The following KCNB2 variants were observed in gnomAD, a reference collection of about 807,000 sequenced individuals.
KCNB2 encodes the protein delayed rectifier potassium channel protein.
Under a neutral mutation model 61.5 loss-of-function variants are expected in KCNB2, and 15 were observed. That is an observed-to-expected ratio of 0.24 (90% CI 0.16 to 0.38). The LOEUF (loss-of-function observed/expected upper bound fraction) is 0.38, where lower values mean the gene tolerates loss of function less well. Among genes scored for constraint, KCNB2 ranks in the 10% least tolerant of loss-of-function variants. KCNB2 has a pLI of 1.00. For synonymous variants in KCNB2, 457 were observed against 446.0 expected (o/e 1.02, Z -0.31); for missense variants, 828 against 1,125.2 (o/e 0.74, Z 3.78).
intron 2 of KCNB2, among the ~76,000 whole-genome samples, chr8:72,803,104 G>A (rs1809158333): frequency 6.6e-6 from 1 of 152,132 alleles, no homozygotes; most frequent in African/African-American, 2.4e-5. Context: ...CTCGACCTGT[G>A]GAAATGAAGA....
intron 1 of KCNB2, among the ~76,000 whole-genome samples, chr8:72,542,902 A>G (rs1585742035): frequency 1.3e-5 from 2 of 152,324 alleles, no homozygotes. Context: ...ATAAATATGC[A>G]TAAGACACTA....
intron 2 of KCNB2, among the ~76,000 whole-genome samples, chr8:72,657,521 TATC>T (rs1371479174): frequency 6.6e-6 from 1 of 152,124 alleles, no homozygotes; most frequent in East Asian, 1.9e-4. Flanking sequence ...ACAATTGAAA[TATC>T]ATCTTGAAAC....
intron 2 of KCNB2, among the ~76,000 whole-genome samples, chr8:72,576,532 A>G (rs946806446): frequency 2.0e-5 from 3 of 152,214 alleles, no homozygotes; most frequent in Admixed American, 6.5e-5. Flanking sequence ...TCAAGATAAC[A>G]GTAAGCTTGG....
intron 2 of KCNB2, among the ~76,000 whole-genome samples, chr8:72,863,917 T>C (rs1034357985): frequency 1.3e-5 from 2 of 151,880 alleles, no homozygotes; most frequent in Non-Finnish European, 2.9e-5. Flanking sequence ...GGTGGGAGGA[T>C]CACTTGAGCC....
At position 72,626,711 on chromosome 8, in the gene KCNB2, A is replaced by C. The variant is rs568676664; in HGVS notation, c.579+58398A>C. 7.2e-5 allele frequency among the ~76,000 whole-genome samples: 11 copies of C among 152,352 alleles called. No homozygotes were observed. The East Asian group carries it at 1.7e-3, about 24-fold the overall frequency. ...AACAATGAGAAAATGTTGGGGTTACAATTTTAATTCAGGCAGTCTGGTTGC... is the reference window on the plus strand; with the variant it reads ...AACAATGAGAAAATGTTGGGGTTACCATTTTAATTCAGGCAGTCTGGTTGC... On this transcript the variant is annotated intron_variant, in intron 2 of 2. Coordinates refer to ENST00000523207, the MANE Select transcript of KCNB2 (RefSeq NM_004770.3).
intron 2 of KCNB2, among the ~76,000 whole-genome samples, chr8:72,788,762 C>T (rs1022875593): frequency 1.3e-5 from 2 of 152,052 alleles, no homozygotes; most frequent in Admixed American, 1.3e-4. Context: ...GCAATAATTA[C>T]GTAATTTCCT....
chr8:72,905,888 T>C (rs1806168334), intron 2 of KCNB2, among the ~76,000 whole-genome samples: 2 of 152,094 alleles, frequency 1.3e-5, no homozygotes, highest in Non-Finnish European at 2.9e-5. Flanking sequence ...ATGTTTGGGA[T>C]GTAGATCAAG....
intron 2 of KCNB2, among the ~76,000 whole-genome samples, chr8:72,666,655 T>A (rs1442175535): frequency 6.8e-6 from 1 of 147,316 alleles, no homozygotes; most frequent in African/African-American, 2.5e-5. Flanking sequence ...ATAAAAAGTT[T>A]TTTTTTTTTT....
intron 2 of KCNB2, among the ~76,000 whole-genome samples, chr8:72,685,804 A>T (rs1806840600): frequency 6.6e-6 from 1 of 152,214 alleles, no homozygotes; most frequent in Non-Finnish European, 1.5e-5. Context: ...AGCCTGACCA[A>T]CATGGAGAAA....
intron 2 of KCNB2, among the ~76,000 whole-genome samples, chr8:72,646,500 A>G: frequency 6.6e-6 from 1 of 152,200 alleles, no homozygotes; most frequent in Non-Finnish European, 1.5e-5. Flanking sequence ...CAAGGGTTAT[A>G]CTTCCCAAAA....
chr8:72,558,159 G>A (rs967921951), intron 1 of KCNB2, among the ~76,000 whole-genome samples: 1 of 152,186 alleles, frequency 6.6e-6, no homozygotes, highest in South Asian at 2.1e-4. Context: ...AATAACTCAC[G>A]TCAAGTAGAT....
At chr8:72,786,730 A>C (rs1375811639) in intron 2 of KCNB2, among the ~76,000 whole-genome samples, 1 of 152,152 alleles carries the variant, frequency 6.6e-6, no homozygotes, top group African/African-American at 2.4e-5. Context: ...TGATTTGCTT[A>C]ATTCTGAATA....
At chr8:72,547,230 CA>C (rs2128976952) in intron 1 of KCNB2, among the ~76,000 whole-genome samples, 1 of 152,300 alleles carries the variant, frequency 6.6e-6, no homozygotes, top group South Asian at 2.1e-4. Flanking sequence ...CAATGTTTCC[CA>C]TCACCCAAGA....
intron 1 of KCNB2, among the ~76,000 whole-genome samples, chr8:72,553,814 A>G (rs1332599223): frequency 6.6e-6 from 1 of 152,122 alleles, no homozygotes; most frequent in Non-Finnish European, 1.5e-5. Context: ...ATTTTTTTAA[A>G]TCTGGGGAGC....
At chr8:72,916,282 A>G (rs761947324) in intron 2 of KCNB2, among the ~76,000 whole-genome samples, 54 of 152,202 alleles carry the variant, frequency 3.5e-4, no homozygotes, top group Non-Finnish European at 5.1e-4. Flanking sequence ...GAGGCAGGAT[A>G]TTTCCCTGAC....
intron 2 of KCNB2, among the ~76,000 whole-genome samples, chr8:72,718,008 T>C (rs1241738247): frequency 2.0e-5 from 3 of 151,736 alleles, no homozygotes; most frequent in Admixed American, 6.6e-5. Flanking sequence ...GCAAAGGATA[T>C]GAACAGACAC....
intron 2 of KCNB2, among the ~76,000 whole-genome samples, chr8:72,683,683 CT>C (rs1355066372): frequency 2.6e-5 from 4 of 152,072 alleles, no homozygotes; most frequent in Non-Finnish European, 5.9e-5. Context: ...CCAAGTTCTG[CT>C]AGTAAAAGAA....
intron 2 of KCNB2, among the ~76,000 whole-genome samples, chr8:72,599,217 A>G (rs893283629): frequency 6.6e-6 from 1 of 152,192 alleles, no homozygotes; most frequent in Non-Finnish European, 1.5e-5. Context: ...GGCTACAGTA[A>G]CCAAAACAGC....
At chr8:72,857,462 T>G (rs1053414572) in intron 2 of KCNB2, among the ~76,000 whole-genome samples, 1 of 152,072 alleles carries the variant, frequency 6.6e-6, no homozygotes, top group African/African-American at 2.4e-5. Context: ...GGGTAGAACT[T>G]AAGGACTAAA....
Sources: gnomAD v4.1 joint callset for allele counts (sites outside exome capture counted in the v4.1 genomes callset) on GRCh38, gnomAD v4.1.1 for gene constraint, MANE v1.5 for transcripts, NCBI Gene and HGNC (gene_info 2026-07-23, HGNC 2026-07-21) for gene names.